The following RORA variants were observed in gnomAD, a reference collection of about 807,000 sequenced individuals.
RORA encodes the protein RAR related orphan receptor A, also known as nuclear receptor ROR-alpha.
In RORA, 7 loss-of-function variants were observed where a neutral mutation model predicts 69.5. That is an observed-to-expected ratio of 0.10 (90% confidence interval 0.06 to 0.19). RORA has a LOEUF of 0.19. RORA is among the 10% of genes least tolerant of loss of function. RORA has a pLI of 1.00. For synonymous variants in RORA, 261 were observed against 240.8 expected (o/e 1.08, Z -0.78); for missense variants, 457 against 663.0 (o/e 0.69, Z 3.41).
chr15:60,753,016 C>A (rs963135130), intron 1 of RORA, among the ~76,000 whole-genome samples: 1 of 152,136 alleles, frequency 6.6e-6, no homozygotes, highest in African/African-American at 2.4e-5. Context: ...AATTTTTTTA[C>A]TCTGTGAGCC....
intron 1 of RORA, among the ~76,000 whole-genome samples, chr15:61,064,216 T>C (rs940490145): frequency 6.6e-6 from 1 of 152,212 alleles, no homozygotes; most frequent in Non-Finnish European, 1.5e-5. Flanking sequence ...AATCACATTT[T>C]GAAGGGAAAG....
intron 1 of RORA, among the ~76,000 whole-genome samples, chr15:61,196,416 G>C (rs1247766865): frequency 6.6e-6 from 1 of 152,210 alleles, no homozygotes; most frequent in Admixed American, 6.5e-5. Context: ...CATTCCAGCA[G>C]TTCTGAAGGT....
chr15:60,543,513 C>T (rs760097488), intron 2 of RORA, among the ~76,000 whole-genome samples: 2 of 152,054 alleles, frequency 1.3e-5, no homozygotes, highest in Non-Finnish European at 2.9e-5. Flanking sequence ...GGGTCTCACT[C>T]TGTCACCCAG....
chr15:61,025,225 G>T (rs181791526), intron 1 of RORA, among the ~76,000 whole-genome samples: 8 of 152,284 alleles, frequency 5.3e-5, no homozygotes, highest in Admixed American at 2.0e-4. Flanking sequence ...ACTGGGACAT[G>T]ACTTAATTTC....
At chr15:60,967,497 C>T (rs1893587974) in intron 1 of RORA, among the ~76,000 whole-genome samples, 1 of 152,156 alleles carries the variant, frequency 6.6e-6, no homozygotes, top group African/African-American at 2.4e-5. Flanking sequence ...TCCTCTCCAT[C>T]CAAAATGACT....
chr15:60,705,565 C>T (rs1031704897), intron 1 of RORA, among the ~76,000 whole-genome samples: 1 of 152,086 alleles, frequency 6.6e-6, no homozygotes, highest in African/African-American at 2.4e-5. Flanking sequence ...TGATAAAGGT[C>T]GAGACAAGGC....
chr15:61,228,848 C>G (rs532816193), intron 1 of RORA, among the ~76,000 whole-genome samples: 2 of 151,818 alleles, frequency 1.3e-5, no homozygotes, highest in Non-Finnish European at 2.9e-5. Context: ...ACTCTGCTCC[C>G]GCAAGCCGAG....
Position 60,542,844 on chromosome 15 carries a change from C to T in RORA, c.197-10993G>A, listed in dbSNP as rs889259573. On this transcript the variant is annotated intron_variant, in intron 2 of 10. Coordinates refer to ENST00000335670, the MANE Select transcript of RORA (RefSeq NM_134261.3). ...GGGCACCAAGGATACGGCACACACA[C>T]GCACCCACCCCACATACATACAGTC... is the stretch of plus-strand genomic sequence containing the variant. Among the ~76,000 whole-genome samples, 5 of 151,402 alleles carry T rather than the reference C, an allele frequency of 3.3e-5. 1 individual carries two copies.
intron 1 of RORA, among the ~76,000 whole-genome samples, chr15:60,964,235 T>C (rs1303735834): frequency 6.6e-6 from 1 of 152,210 alleles, no homozygotes; most frequent in South Asian, 2.1e-4. Context: ...TGGAATATTT[T>C]TGGTGCCTGA....
intron 1 of RORA, among the ~76,000 whole-genome samples, chr15:60,944,649 A>ACC (rs1892810018): frequency 6.7e-6 from 1 of 148,892 alleles, no homozygotes; most frequent in African/African-American, 2.5e-5. Context: ...TGCTTGAGCA[A>ACC]AAGGGGCAGA....
chr15:61,059,528 A>G lies in RORA; in HGVS notation c.166+169525T>C, dbSNP rs182972522. ...ATAAGGAATTATGAATGTTTCTGGA[A>G]GAATAGGGATTTGTAGAAATCTTCC... On this transcript the variant is annotated intron_variant, in intron 1 of 10. Transcript: ENST00000335670. Among the ~76,000 whole-genome samples, 35 of 152,370 alleles carry G rather than the reference A, an allele frequency of 2.3e-4. No homozygotes were observed. The Middle Eastern group carries it at 0.014, about 59-fold the overall frequency.
intron 2 of RORA, among the ~76,000 whole-genome samples, chr15:60,571,038 T>C (rs1203686270): frequency 6.6e-6 from 1 of 152,242 alleles, no homozygotes; most frequent in African/African-American, 2.4e-5. Flanking sequence ...TTCTTTTTTT[T>C]TCTCTCCTCA....
At chr15:60,879,353 T>G (rs1221701751) in intron 1 of RORA, among the ~76,000 whole-genome samples, 5 of 151,456 alleles carry the variant, frequency 3.3e-5, no homozygotes, top group Non-Finnish European at 5.9e-5. Context: ...ATGAGAATAA[T>G]TATGGTACCC....
At chr15:60,516,449 G>GA (rs1207091370) in intron 3 of RORA, among the ~76,000 whole-genome samples, 8 of 147,556 alleles carry the variant, frequency 5.4e-5, no homozygotes, top group African/African-American at 1.5e-4. Context: ...GATGTATGCA[G>GA]AAAAAAAATA....
chr15:60,614,701 G>A (rs918592825), intron 2 of RORA, among the ~76,000 whole-genome samples: 1 of 152,094 alleles, frequency 6.6e-6, no homozygotes, highest in African/African-American at 2.4e-5. Flanking sequence ...GCCCATCTCT[G>A]CCACCCACTA....
At chr15:60,893,496 C>T (rs919275157) in intron 1 of RORA, among the ~76,000 whole-genome samples, 1 of 152,218 alleles carries the variant, frequency 6.6e-6, no homozygotes, top group Non-Finnish European at 1.5e-5. Context: ...TTTCTATTTT[C>T]TTTAGGTGCC....
At chr15:60,990,071 T>G (rs186368710) in intron 1 of RORA, among the ~76,000 whole-genome samples, 1 of 152,348 alleles carries the variant, frequency 6.6e-6, no homozygotes, top group African/African-American at 2.4e-5. Flanking sequence ...TCCAATAGTT[T>G]CATTTGGTTC....
chr15:60,930,405 C>T (rs139670208), intron 1 of RORA, among the ~76,000 whole-genome samples: 680 of 152,252 alleles, frequency 4.5e-3, no homozygotes, highest in African/African-American at 0.016. Context: ...AAGTGCCTTC[C>T]ATGTGGGACG....
At chr15:61,000,061 G>GC (rs1555400678) in intron 1 of RORA, among the ~76,000 whole-genome samples, 11 of 147,530 alleles carry the variant, frequency 7.5e-5, no homozygotes, top group African/African-American at 2.7e-4. Flanking sequence ...GAAAAGCAAA[G>GC]TTTTTTTTTT....
Sources: allele counts gnomAD v4.1 joint callset (sites outside exome capture counted in the v4.1 genomes callset), GRCh38; gene constraint gnomAD v4.1.1; transcripts MANE v1.5; gene names NCBI Gene and HGNC (gene_info 2026-07-23, HGNC 2026-07-21).